The following KRIT1 variants were observed in gnomAD, a reference collection of about 807,000 sequenced individuals.
KRIT1 encodes KRIT1 ankyrin repeat containing, also known as krev interaction trapped protein 1.
KRIT1 carries 45 observed loss-of-function variants against 95.8 expected under a neutral mutation model. The ratio of observed to expected loss-of-function variants is 0.47; its 90% CI spans 0.37 to 0.60. The LOEUF (loss-of-function observed/expected upper bound fraction) is 0.60, where lower values mean the gene tolerates loss of function less well. KRIT1 is among the 20% of genes least tolerant of loss of function. KRIT1 has a pLI of 0.00. For missense variants in KRIT1, 788 were observed against 877.5 expected (o/e 0.90, Z 1.29); for synonymous variants, 282 against 278.8 (o/e 1.01, Z -0.11).
intron 12 of KRIT1, among the ~76,000 whole-genome samples, chr7:92,224,690 A>G (rs1259150675): frequency 6.6e-6 from 1 of 152,202 alleles, no homozygotes; most frequent in Non-Finnish European, 1.5e-5. Context: ...AGGTTGAGTT[A>G]GCAGAATAAA....
intron 7 of KRIT1, 70 bp from the exon 8 acceptor site, chr7:92,235,716 A>C (rs914387873): frequency 8.7e-6 from 12 of 1,377,832 alleles, no homozygotes; most frequent in Non-Finnish European, 8.2e-6. Flanking sequence ...ATTACTATCT[A>C]ACTCTGATAT....
chr7:92,217,078 C>A (rs1040759105), intron 14 of KRIT1, among the ~76,000 whole-genome samples: 2 of 152,110 alleles, frequency 1.3e-5, no homozygotes, highest in African/African-American at 4.8e-5. Context: ...ACTTACTAAG[C>A]CTTGCTTCCT....
At chr7:92,200,906 T>C (rs972605660) in intron 18 of KRIT1, 102 bp from the exon 19 acceptor site, 6 of 805,138 alleles carry the variant, frequency 7.5e-6, no homozygotes, top group Non-Finnish European at 1.3e-5. Context: ...AAGGGAACTT[T>C]CTTATCAGGA....
intron 12 of KRIT1, among the ~76,000 whole-genome samples, chr7:92,224,524 G>A (rs906933068): frequency 6.6e-6 from 1 of 151,770 alleles, no homozygotes; most frequent in African/African-American, 2.4e-5. Context: ...TAACTCTTAG[G>A]CATAATTGAG....
chr7:92,223,580 G>A (rs370834770), intron 12 of KRIT1, among the ~76,000 whole-genome samples: 1 of 152,038 alleles, frequency 6.6e-6, no homozygotes, highest in East Asian at 1.9e-4. Context: ...CTTTTGACAG[G>A]ATGTTTTAGC....
intron 14 of KRIT1, among the ~76,000 whole-genome samples, chr7:92,220,634 GATT>G (rs1392544863): frequency 4.0e-5 from 6 of 148,588 alleles, no homozygotes; most frequent in Non-Finnish European, 7.4e-5. Flanking sequence ...ACCATATTTA[GATT>G]ATCATGCCTA....
intron 15 of KRIT1, 58 bp downstream of exon 15, chr7:92,214,550 TTTC>T: frequency 7.8e-7 from 1 of 1,277,180 alleles, no homozygotes. Flanking sequence ...ATTTTTAAAC[TTTC>T]TTGGTTAAAC....
At chr7:92,234,682 C>T (rs1009107981) in intron 9 of KRIT1, 90 bp from the exon 10 acceptor site, 1 of 1,228,154 alleles carries the variant, frequency 8.1e-7, no homozygotes, top group Non-Finnish European at 1.2e-6. Context: ...AGCTCTGTAT[C>T]ACTAAGAAGC....
intron 14 of KRIT1, among the ~76,000 whole-genome samples, chr7:92,220,878 C>T (rs578222263): frequency 1.1e-4 from 17 of 151,270 alleles, no homozygotes; most frequent in East Asian, 4.0e-4. Flanking sequence ...TTAGTAGAGA[C>T]GGGGTTTCAC....
chr7:92,214,854 A>G, intron 14 of KRIT1, 77 bp from the exon 15 acceptor site: 2 of 999,254 alleles, frequency 2.0e-6, no homozygotes, highest in Non-Finnish European at 3.1e-6. Context: ...TGGGAAAAGC[A>G]AAAGCTACAT....
At chr7:92,226,944 G>A (rs1354401960) in intron 10 of KRIT1, among the ~76,000 whole-genome samples, 1 of 152,130 alleles carries the variant, frequency 6.6e-6, no homozygotes, top group Non-Finnish European at 1.5e-5. Context: ...ATACAAGATA[G>A]AGCAGACGAC....
intron 14 of KRIT1, among the ~76,000 whole-genome samples, chr7:92,215,179 A>C (rs1309687442): frequency 6.6e-6 from 1 of 152,196 alleles, no homozygotes; most frequent in African/African-American, 2.4e-5. Flanking sequence ...AAATTGGCAA[A>C]ATATGGCTAT....
At position 92,236,557 on chromosome 7, in the gene KRIT1, T is replaced by G; in HGVS notation, c.356-15A>C. On this transcript the variant is annotated splice_polypyrimidine_tract_variant and intron_variant, in intron 6 of 18. Coordinates refer to ENST00000394505, the MANE Select transcript of KRIT1 (RefSeq NM_194454.3). Reference sequence around the variant, plus strand: ...TTTAGTATTATCTGAAAAAGAAAAATGAAGAATTATGCTACCATATAAAAG... The same window carrying G: ...TTTAGTATTATCTGAAAAAGAAAAAGGAAGAATTATGCTACCATATAAAAG... 1 of 1,482,776 alleles carries G rather than the reference T, an allele frequency of 6.7e-7. No individual in the cohort carries two copies. Among genetic ancestry groups the G allele is most frequent in the Non-Finnish European group, 9.4e-7 (1 of 1,062,862 alleles). The allele number at this position is 1,482,776 out of a possible 1,614,324, so 91.9% of individuals were successfully genotyped here. A position where few individuals can be genotyped will look rare whatever the true frequency, so the allele number is the denominator to read the frequency against.
rs1347695003 is a variant in KRIT1, at chr7:92,245,037, CAG to C, written c.-288_-287del. The C allele has an allele frequency of 1.3e-5, 2 of 151,802 alleles. No individual in the cohort carries two copies. Among genetic ancestry groups the C allele is most frequent in the Non-Finnish European group, 2.9e-5 (2 of 68,014 alleles). 9.4% of individuals were successfully genotyped at this position (151,802 alleles called of 1,614,324 possible). ...TAGTATGCTAGACAGCGTTTGCAAA[CAG>C]AAACTGTAAAGGCACATATGCACTC... On this transcript the variant is annotated 5_prime_UTR_variant, in exon 2 of 19. An upstream open reading frame in the 5' UTR loses its in-frame stop. Coordinates refer to ENST00000394505, the MANE Select transcript of KRIT1 (RefSeq NM_194454.3).
At chr7:92,219,110 C>T (rs1794604832) in intron 14 of KRIT1, among the ~76,000 whole-genome samples, 1 of 152,196 alleles carries the variant, frequency 6.6e-6, no homozygotes, top group Non-Finnish European at 1.5e-5. Flanking sequence ...ATGCAATTCT[C>T]ATGCCTCAAC....
intron 18 of KRIT1, 135 bp from the exon 19 acceptor site, chr7:92,200,939 T>C (rs1442312495): frequency 7.2e-6 from 5 of 698,626 alleles, no homozygotes; most frequent in Admixed American, 6.6e-5. Context: ...AGAGAGAGTA[T>C]AGAGGGGGAT....
chr7:92,221,844 T>G, intron 14 of KRIT1, 58 bp downstream of exon 14: 1 of 1,470,378 alleles, frequency 6.8e-7, no homozygotes, highest in Non-Finnish European at 9.4e-7. Flanking sequence ...GTGCTTACAA[T>G]AGAAACTCAA....
chr7:92,240,728 T>C, intron 5 of KRIT1: 1 of 451,754 alleles, frequency 2.2e-6, no homozygotes, highest in Non-Finnish European at 4.0e-6. Context: ...GAAATAGGAA[T>C]AGTAGTTAAA....
intron 2 of KRIT1, among the ~76,000 whole-genome samples, 180 bp from the exon 3 acceptor site, chr7:92,244,329 T>C (rs1011405441): frequency 4.6e-5 from 7 of 152,184 alleles, no homozygotes; most frequent in African/African-American, 1.7e-4. Flanking sequence ...TAAGAAAACA[T>C]TTACTAGCAA....
Sources: gnomAD v4.1 joint callset for allele counts (sites outside exome capture counted in the v4.1 genomes callset) on GRCh38, gnomAD v4.1.1 for gene constraint, MANE v1.5 for transcripts, NCBI Gene and HGNC (gene_info 2026-07-23, HGNC 2026-07-21) for gene names.